Variants in DEPTOR observed in about 807,000 individuals in gnomAD.
The protein encoded by DEPTOR is DEP domain containing MTOR interacting protein, also known as DEP domain-containing mTOR-interacting protein.
A neutral mutation model predicts 41.6 loss-of-function variants in DEPTOR; 41 were observed. The ratio of observed to expected loss-of-function variants is 0.98; its 90% CI spans 0.77 to 1.28. DEPTOR has a LOEUF of 1.28. Among genes scored for constraint, DEPTOR ranks in the 50% most tolerant of loss-of-function variants. The pLI is 0.00. For synonymous variants in DEPTOR, 195 were observed against 192.3 expected, an observed-to-expected ratio of 1.01 and a Z score of -0.12; for missense variants, 514 against 527.9, an observed-to-expected ratio of 0.97 and a Z score of 0.26.
intron 8 of DEPTOR, among the ~76,000 whole-genome samples, chr8:120,030,074 G>C (rs1812861598): frequency 6.6e-6 from 1 of 152,148 alleles, no homozygotes; most frequent in African/African-American, 2.4e-5. Flanking sequence ...TTTAGAGCCA[G>C]AGTAATCAGG....
At chr8:120,008,527 CAAAAAA>C (rs35570467) in intron 7 of DEPTOR, among the ~76,000 whole-genome samples, 1 of 99,706 alleles carries the variant, frequency 1.0e-5, no homozygotes, top group Admixed American at 1.2e-4. Flanking sequence ...GACTCTGTCT[CAAAAAA>C]AAAAAAAAAA....
rs1828238650 is a variant in DEPTOR at position 119,944,105 on chromosome 8, G to T, written c.425+14167G>T. Among the ~76,000 whole-genome samples, 3 of 152,146 alleles carry T rather than the reference G, an allele frequency of 2.0e-5. No homozygotes were observed. In the South Asian group the frequency reaches 6.2e-4, roughly 32 times the overall value. ...TCTGCCCACCTCGGCCTCCCAAAGTGCTGGGATTACAGGCGTTAGCCACCG... is the reference window on the plus strand; with the variant it reads ...TCTGCCCACCTCGGCCTCCCAAAGTTCTGGGATTACAGGCGTTAGCCACCG... On this transcript the variant is annotated intron_variant, in intron 3 of 8. Coordinates refer to ENST00000286234, the MANE Select transcript of DEPTOR (RefSeq NM_022783.4).
At chr8:119,915,598 A>G (rs999843113) in intron 1 of DEPTOR, among the ~76,000 whole-genome samples, 1 of 152,212 alleles carries the variant, frequency 6.6e-6, no homozygotes, top group Non-Finnish European at 1.5e-5. Context: ...TTTAACTCTT[A>G]TCTGGGAAAA....
chr8:119,952,306 A>G (rs2129929446), intron 3 of DEPTOR, among the ~76,000 whole-genome samples: 1 of 152,288 alleles, frequency 6.6e-6, no homozygotes, highest in East Asian at 1.9e-4. Context: ...GACACTTTAT[A>G]TGAATGACAG....
At chr8:119,910,028 AT>A (rs1222211865) in intron 1 of DEPTOR, among the ~76,000 whole-genome samples, 1 of 152,080 alleles carries the variant, frequency 6.6e-6, no homozygotes, top group South Asian at 2.1e-4. Context: ...CGCCTCTTGT[AT>A]TTTTTTCTGA....
chr8:119,915,945 T>TAAAAAAAAAA (rs201870960), intron 1 of DEPTOR, among the ~76,000 whole-genome samples: 2 of 126,650 alleles, frequency 1.6e-5, no homozygotes, highest in African/African-American at 2.8e-5. Context: ...CTTCATTTGT[T>TAAAAAAAAAA]AAAAAAAAAA....
chr8:120,008,183 C>T (rs4086915), intron 7 of DEPTOR, among the ~76,000 whole-genome samples: 101,047 of 151,878 alleles, frequency 0.67, 34,424 homozygotes, highest in Middle Eastern at 0.76. Flanking sequence ...TTTTTCACTT[C>T]TTTTCCCCCC....
chr8:119,926,642 T>C (rs1268850285), intron 1 of DEPTOR, among the ~76,000 whole-genome samples: 1 of 152,214 alleles, frequency 6.6e-6, no homozygotes, highest in African/African-American at 2.4e-5. Context: ...CTGGCAGCCC[T>C]ACTCTATCAC....
intron 8 of DEPTOR, among the ~76,000 whole-genome samples, chr8:120,018,163 T>C (rs1388457874): frequency 6.6e-6 from 1 of 152,218 alleles, no homozygotes; most frequent in Non-Finnish European, 1.5e-5. Flanking sequence ...CTAATTAATT[T>C]GGCTAAGATA....
chr8:119,910,432 A>AT (rs929541040), intron 1 of DEPTOR, among the ~76,000 whole-genome samples: 1 of 151,770 alleles, frequency 6.6e-6, no homozygotes, highest in Non-Finnish European at 1.5e-5. Context: ...GGGTTTTTGA[A>AT]TTTTTTTTCA....
chr8:119,965,234 T>A lies in DEPTOR; in HGVS notation c.428T>A (p.Leu143Gln). ...FMRGQRLYEK[L>Q]MSPENTLLQP... ...CTTTTCCCTTTTTTTCTTCCCAGGC[T>A]GATGAGCCCTGAAAACACACTCCTG... The change falls in exon 4 of 9, where the codon CTG (leucine) becomes CAG (glutamine). Residue 143 changes from leucine to glutamine, a missense_variant and splice_region_variant. Leu to Gln is a moderately radical substitution (Grantham distance 113). Coordinates refer to ENST00000286234, the MANE Select transcript of DEPTOR (RefSeq NM_022783.4). 1.2e-6 allele frequency: 2 copies of A among 1,607,862 alleles called. No homozygotes were observed. Among genetic ancestry groups the A allele is most frequent in the South Asian group, 2.2e-5 (2 of 89,462 alleles).
intron 1 of DEPTOR, among the ~76,000 whole-genome samples, chr8:119,885,262 G>A (rs1475812630): frequency 6.6e-6 from 1 of 152,130 alleles, no homozygotes; most frequent in Non-Finnish European, 1.5e-5. Flanking sequence ...TTTATTCCCT[G>A]TAGTGGTATA....
chr8:119,921,756 T>TTTTG (rs888995599), intron 1 of DEPTOR, among the ~76,000 whole-genome samples: 3 of 146,562 alleles, frequency 2.0e-5, no homozygotes, highest in East Asian at 1.9e-4. Context: ...TAGTTTTTTT[T>TTTTG]TTTGTTTGTT....
At chr8:119,874,381 C>T in intron 1 of DEPTOR, 1 of 214,298 alleles carries the variant, frequency 4.7e-6, no homozygotes, top group Non-Finnish European at 9.2e-6. Context: ...ACCCCAGCCC[C>T]TCTACTCCTT....
At chr8:119,960,320 T>C (rs924816733) in intron 3 of DEPTOR, among the ~76,000 whole-genome samples, 6 of 152,170 alleles carry the variant, frequency 3.9e-5, no homozygotes, top group African/African-American at 1.4e-4. Flanking sequence ...AACAACAATT[T>C]AGTGAAGGAA....
intron 1 of DEPTOR, among the ~76,000 whole-genome samples, chr8:119,922,804 C>G (rs910296191): frequency 6.6e-6 from 1 of 152,210 alleles, no homozygotes; most frequent in Non-Finnish European, 1.5e-5. Context: ...TATTCCTAAT[C>G]CCGTTTTTCT....
At chr8:119,884,629 A>G (rs918298260) in intron 1 of DEPTOR, among the ~76,000 whole-genome samples, 1 of 150,834 alleles carries the variant, frequency 6.6e-6, no homozygotes, top group African/African-American at 2.4e-5. Context: ...ATCTTGAGTT[A>G]GTTTGCTACT....
chr8:119,962,708 A>G (rs1446446794), intron 3 of DEPTOR, among the ~76,000 whole-genome samples: 1 of 152,102 alleles, frequency 6.6e-6, no homozygotes, highest in Non-Finnish European at 1.5e-5. Flanking sequence ...TTAGGGGTCC[A>G]AGGTTGGGTT....
intron 8 of DEPTOR, among the ~76,000 whole-genome samples, chr8:120,018,613 T>A (rs1354819296): frequency 6.6e-6 from 1 of 151,972 alleles, no homozygotes; most frequent in African/African-American, 2.4e-5. Context: ...TCCAGTGGAG[T>A]TCAGGAAAGT....
Sources: gnomAD v4.1 joint callset for allele counts (sites outside exome capture counted in the v4.1 genomes callset) on GRCh38, gnomAD v4.1.1 for gene constraint, MANE v1.5 for transcripts, NCBI Gene and HGNC (gene_info 2026-07-23, HGNC 2026-07-21) for gene names.